The following FAM117B variants were observed in gnomAD, a reference collection of about 807,000 sequenced individuals.
FAM117B encodes protein FAM117B.
In FAM117B, 22 loss-of-function variants were observed where a neutral mutation model predicts 52.8. The observed-to-expected ratio is 0.42, with a 90% CI of 0.30 to 0.59. The LOEUF (loss-of-function observed/expected upper bound fraction) is 0.59, where lower values mean the gene tolerates loss of function less well. FAM117B is among the 20% of genes least tolerant of loss of function. FAM117B has a pLI of 0.22. For synonymous variants in FAM117B, 309 were observed against 324.1 expected (o/e 0.95, Z 0.50); for missense variants, 678 against 802.6 (o/e 0.84, Z 1.88).
rs1437985051 is a variant in FAM117B at position 202,757,279 on chromosome 2, A to G, written c.1171A>G (p.Ser391Gly). The G allele has an allele frequency of 1.9e-6, 3 of 1,614,034 alleles. No homozygotes were observed. In the Admixed American group the frequency reaches 5.0e-5, roughly 27 times the overall value. Residue 391 changes from serine (S) to glycine (G), a missense_variant, in exon 6 of 8, where the codon AGC (serine) becomes GGC (glycine). Ser to Gly is a moderately conservative substitution (Grantham distance 56, BLOSUM62 0). Around this residue, in one of 3 missense-constraint regions of FAM117B, gnomAD observed 583 missense variants for 644.8 expected, o/e 0.90. Transcript: ENST00000392238. ...PLVQRSSSTRSIDTQTPGGAD... is the reference protein window; with the variant it reads ...PLVQRSSSTRGIDTQTPGGAD... The stretch of plus-strand genomic sequence containing the variant: ...TGTACAGAGAAGTAGCAGCACGCGC[A>G]GCATTGACACACAGACGCCTGGTGG...
intron 2 of FAM117B, among the ~76,000 whole-genome samples, chr2:202,719,283 A>T (rs1463511462): frequency 5.3e-5 from 8 of 152,186 alleles, no homozygotes; most frequent in Admixed American, 2.6e-4. Context: ...TATTTGTCTT[A>T]GTAATTAATA....
chr2:202,694,089 T>C (rs924451899), intron 1 of FAM117B, among the ~76,000 whole-genome samples: 4 of 152,126 alleles, frequency 2.6e-5, no homozygotes, highest in Admixed American at 1.3e-4. Flanking sequence ...ATTTTCCAAT[T>C]ATTAAATCAT....
chr2:202,694,188 CT>C lies in FAM117B; in HGVS notation c.602-1672del, dbSNP rs757843381. Among the ~76,000 whole-genome samples, 584 of 99,050 alleles carry C rather than the reference CT, an allele frequency of 5.9e-3. 1 individual carries two copies. The highest frequency in any genetic ancestry group is 0.016 in the African/African-American group (371 of 22,858). The allele number at this position is 99,050 out of a possible 152,430, so 65.0% of individuals were successfully genotyped here. On this transcript the variant is annotated intron_variant, in intron 1 of 7. Coordinates refer to ENST00000392238, the MANE Select transcript of FAM117B (RefSeq NM_173511.4). ...GAAGATGTTATTGCAAAACCCACTT[CT>C]TTTTTTTTTTTTTTTTTTTTGAGAC... is the stretch of plus-strand genomic sequence containing the variant.
At chr2:202,676,647 G>C (rs1240865003) in intron 1 of FAM117B, among the ~76,000 whole-genome samples, 1 of 152,058 alleles carries the variant, frequency 6.6e-6, no homozygotes, top group African/African-American at 2.4e-5. Flanking sequence ...CAAAGTGCTG[G>C]GATTACAGAT....
At chr2:202,682,961 C>A (rs915158981) in intron 1 of FAM117B, among the ~76,000 whole-genome samples, 6 of 152,108 alleles carry the variant, frequency 3.9e-5, no homozygotes, top group African/African-American at 1.4e-4. Flanking sequence ...CTACCTTAAT[C>A]TAGAAAGAGA....
intron 4 of FAM117B, among the ~76,000 whole-genome samples, chr2:202,751,404 A>G (rs1222232512): frequency 6.6e-6 from 1 of 152,228 alleles, no homozygotes; most frequent in Non-Finnish European, 1.5e-5. Flanking sequence ...TCTAACCAGG[A>G]CAAGTGTTCA....
chr2:202,740,677 T>C (rs1267327321), intron 4 of FAM117B, among the ~76,000 whole-genome samples: 1 of 152,188 alleles, frequency 6.6e-6, no homozygotes, highest in Non-Finnish European at 1.5e-5. Context: ...TCTGTAGCTA[T>C]TGAGCCATAT....
At chr2:202,698,557 G>C (rs1042805695) in intron 2 of FAM117B, among the ~76,000 whole-genome samples, 30 of 152,090 alleles carry the variant, frequency 2.0e-4, no homozygotes, top group African/African-American at 7.0e-4. Context: ...CAAGTAGCTG[G>C]GACTACAAGC....
At position 202,674,948 on chromosome 2, in the gene FAM117B, G is replaced by A. The variant is rs867793515; in HGVS notation, c.602-20933G>A. Among the ~76,000 whole-genome samples the A allele has an allele frequency of 1.1e-4, 16 of 152,174 alleles. No homozygotes were observed. In the South Asian group the frequency reaches 1.5e-3, roughly 14 times the overall value. ...CACTTTCAACTTCTCATTTTTACAA[G>A]TTGGGGCCGGATGCAGTGGCTCACA... On this transcript the variant is annotated intron_variant, in intron 1 of 7. Coordinates refer to ENST00000392238, the MANE Select transcript of FAM117B (RefSeq NM_173511.4).
chr2:202,759,479 C>T, intron 7 of FAM117B, 126 bp downstream of exon 7: 1 of 1,242,958 alleles, frequency 8.0e-7, no homozygotes, highest in South Asian at 1.7e-5. Context: ...GCAACCTCTA[C>T]CTCCTTAGCT....
intron 4 of FAM117B, among the ~76,000 whole-genome samples, chr2:202,732,738 C>A (rs1412683174): frequency 6.6e-6 from 1 of 152,034 alleles, no homozygotes; most frequent in Non-Finnish European, 1.5e-5. Flanking sequence ...GGAGAATCAC[C>A]TGAACCTGGG....
intron 2 of FAM117B, among the ~76,000 whole-genome samples, chr2:202,714,047 C>A (rs1690999072): frequency 6.6e-6 from 1 of 152,174 alleles, no homozygotes; most frequent in South Asian, 2.1e-4. Context: ...AAATTTCCTT[C>A]TTAATTTCTT....
chr2:202,675,964 G>C (rs1370063639), intron 1 of FAM117B, among the ~76,000 whole-genome samples: 1 of 138,374 alleles, frequency 7.2e-6, no homozygotes, highest in African/African-American at 2.8e-5. Context: ...CAGCCTGGGG[G>C]ACAGAGCGAG....
At chr2:202,713,738 G>T (rs940407226) in intron 2 of FAM117B, among the ~76,000 whole-genome samples, 1 of 151,854 alleles carries the variant, frequency 6.6e-6, no homozygotes, top group Non-Finnish European at 1.5e-5. Context: ...AAGGAGTTTC[G>T]CTCTGTTGCT....
At chr2:202,733,282 A>C (rs1691386306) in intron 4 of FAM117B, among the ~76,000 whole-genome samples, 1 of 152,222 alleles carries the variant, frequency 6.6e-6, no homozygotes, top group Non-Finnish European at 1.5e-5. Context: ...GCAAACTTAG[A>C]ATTACTGATG....
chr2:202,714,532 TC>T (rs1691009792), intron 2 of FAM117B, among the ~76,000 whole-genome samples: 6 of 134,070 alleles, frequency 4.5e-5, no homozygotes, highest in African/African-American at 1.2e-4. Flanking sequence ...CTTTTTTTTT[TC>T]TTTTTTTTTT....
intron 1 of FAM117B, among the ~76,000 whole-genome samples, chr2:202,646,734 T>C (rs1689871067): frequency 6.6e-6 from 1 of 152,160 alleles, no homozygotes; most frequent in Admixed American, 6.5e-5. Flanking sequence ...TTTTGTATGG[T>C]TTTCCTCTCT....
At chr2:202,669,182 A>C (rs1690253831) in intron 1 of FAM117B, among the ~76,000 whole-genome samples, 1 of 152,118 alleles carries the variant, frequency 6.6e-6, no homozygotes, top group Non-Finnish European at 1.5e-5. Flanking sequence ...GATTTTTTTT[A>C]GTCTTTTAAA....
At chr2:202,691,421 C>A (rs1035236766) in intron 1 of FAM117B, among the ~76,000 whole-genome samples, 10 of 151,534 alleles carry the variant, frequency 6.6e-5, no homozygotes, top group African/African-American at 2.4e-4. Context: ...TCTTTCCCCC[C>A]AAAAAAGAAA....
Sources: gnomAD v4.1 joint callset for allele counts (sites outside exome capture counted in the v4.1 genomes callset) on GRCh38, gnomAD v4.1.1 for gene constraint, gnomAD v4.1.1 regional missense constraint, MANE v1.5 for transcripts, NCBI Gene and HGNC (gene_info 2026-07-23, HGNC 2026-07-21) for gene names.